Variants in STAT5A observed in about 807,000 individuals in gnomAD.
STAT5A encodes signal transducer and activator of transcription 5A.
Under a neutral mutation model 100.2 loss-of-function variants are expected in STAT5A, and 26 were observed. The observed-to-expected ratio is 0.26, with a 90% CI of 0.19 to 0.36. The LOEUF (loss-of-function observed/expected upper bound fraction) is 0.36. Among genes scored for constraint, STAT5A ranks in the 10% least tolerant of loss-of-function variants. STAT5A has a pLI of 1.00. For missense variants in STAT5A, 634 were observed against 1,027.5 expected (o/e 0.62, Z 5.24); for synonymous variants, 330 against 424.3 (o/e 0.78, Z 2.73).
At chr17:42,306,503 C>T (rs912473077) in intron 13 of STAT5A, 56 bp downstream of exon 13, 221 of 1,564,298 alleles carry the variant, frequency 1.4e-4, no homozygotes, top group East Asian at 8.4e-4. Context: ...TGTTGCTCCT[C>T]CACCTCACAG....
rs2081072348 is a variant in STAT5A at position 42,310,691 on chromosome 17, C to T, written c.*22C>T. On this transcript the variant is annotated 3_prime_UTR_variant, in exon 19 of 19. Transcript: ENST00000590949. Reference sequence around the variant, plus strand: ...ATGAATGTTTGAATCCCACGCTTCTCTTTGGAAACAATATGCAATGTGAAG... The same window carrying T: ...ATGAATGTTTGAATCCCACGCTTCTTTTTGGAAACAATATGCAATGTGAAG... 1 of 1,613,732 alleles carries T rather than the reference C, an allele frequency of 6.2e-7. No individual in the cohort carries two copies. Among genetic ancestry groups the T allele is most frequent in the Non-Finnish European group, 8.5e-7 (1 of 1,179,780 alleles).
chr17:42,298,672 T>C (rs1458390327), intron 5 of STAT5A, among the ~76,000 whole-genome samples: 2 of 151,568 alleles, frequency 1.3e-5, no homozygotes, highest in Non-Finnish European at 2.9e-5. Context: ...GGGGTTTCAC[T>C]GTGTTAGCCA....
chr17:42,296,583 T>G (rs1041432941), intron 5 of STAT5A, among the ~76,000 whole-genome samples: 3 of 152,214 alleles, frequency 2.0e-5, no homozygotes, highest in Non-Finnish European at 1.5e-5. Flanking sequence ...TAATCTGATT[T>G]CTTAAGGTAG....
At chr17:42,293,176 A>G (rs145876663) in intron 4 of STAT5A, among the ~76,000 whole-genome samples, 92 of 152,308 alleles carry the variant, frequency 6.0e-4, no homozygotes, top group Middle Eastern at 3.4e-3. Flanking sequence ...AGCACAGGTC[A>G]TATTTATTAT....
At chr17:42,306,024 T>A (rs542717224) in intron 12 of STAT5A, 141 of 759,680 alleles carry the variant, frequency 1.9e-4, no homozygotes, top group Admixed American at 5.2e-4. Flanking sequence ...TGTCCCTGCA[T>A]GCCCCCACCC....
At position 42,301,462 on chromosome 17, in the gene STAT5A, T is replaced by G; in HGVS notation, c.1169+8T>G. 1 of 1,614,114 alleles carries G rather than the reference T, an allele frequency of 6.2e-7. No individual in the cohort carries two copies. Among genetic ancestry groups the G allele is most frequent in the Non-Finnish European group, 8.5e-7 (1 of 1,179,994 alleles). ...AAATGAGAACACCCGCAAGTAATTGTGCCTCTCCCTTCCCCTGCCCAAGCT... is the reference window on the plus strand; with the variant it reads ...AAATGAGAACACCCGCAAGTAATTGGGCCTCTCCCTTCCCCTGCCCAAGCT... On this transcript the variant is annotated splice_region_variant and intron_variant, in intron 9 of 18. Coordinates refer to ENST00000590949, the MANE Select transcript of STAT5A (RefSeq NM_001288718.2).
chr17:42,299,964 T>C lies in STAT5A; in HGVS notation c.681+83T>C, dbSNP rs2080960113. 2.0e-6 allele frequency: 3 copies of C among 1,472,802 alleles called. No individual in the cohort carries two copies. The East Asian group carries it at 7.4e-5, about 36-fold the overall frequency. 91.2% of individuals were successfully genotyped at this position (1,472,802 alleles called of 1,614,324 possible). ...ACCCGAGGGAGGGCTGGGACCAGCA[T>C]GAGAGCAGAACCTGGGAGGGCAGGA... On this transcript the variant is annotated intron_variant, in intron 6 of 18. Transcript: ENST00000590949.
Position 42,308,807 on chromosome 17 carries a change from G to A in STAT5A, c.2063-240G>A. ...CATTCTTTGACAGGGGTGGGAGCAG[G>A]GAGAGGGAAATCAGATGGCCAGAAA... On this transcript the variant is annotated intron_variant, in intron 16 of 18. Coordinates refer to ENST00000590949, the MANE Select transcript of STAT5A (RefSeq NM_001288718.2). This position sits in a 1 kb window ranked among gnomAD's most constrained non-coding sequence, Gnocchi z 4.6. 1.7e-6 allele frequency: 1 copy of A among 584,682 alleles called. No homozygotes were observed. The highest frequency in any genetic ancestry group is 3.1e-6 in the Non-Finnish European group (1 of 327,780). The allele number at this position is 584,682 out of a possible 1,614,324, so 36.2% of individuals were successfully genotyped here.
At chr17:42,305,314 C>T (rs568109538) in intron 11 of STAT5A, among the ~76,000 whole-genome samples, 12 of 152,086 alleles carry the variant, frequency 7.9e-5, no homozygotes, top group Non-Finnish European at 1.8e-4. Flanking sequence ...ATCAACCTGA[C>T]CAACATGGAG....
At position 42,288,853 on chromosome 17, in the gene STAT5A, G is replaced by C. The variant is rs1431826357; in HGVS notation, c.-11+255G>C. 6.6e-6 allele frequency among the ~76,000 whole-genome samples: 1 copy of C among 152,194 alleles called. No individual in the cohort carries two copies. Among genetic ancestry groups the C allele is most frequent in the Non-Finnish European group, 1.5e-5 (1 of 68,024 alleles). On this transcript the variant is annotated intron_variant, in intron 1 of 18. Coordinates refer to ENST00000590949, the MANE Select transcript of STAT5A (RefSeq NM_001288718.2). The surrounding 1 kb of genome is among the most constrained non-coding windows in gnomAD (Gnocchi z 4.8). ...AGGGAGCACCTGTCGGGCTGGACCC[G>C]GGGAGGCACTAGTGCACAGATGGGG...
At chr17:42,288,091 CG>C (rs1393079943), upstream of STAT5A, 1 of 152,206 alleles carries the variant, frequency 6.6e-6, no homozygotes, top group Non-Finnish European at 1.5e-5. The surrounding 1 kb of genome is among the most constrained non-coding windows in gnomAD (Gnocchi z 4.8). Flanking sequence ...AGCTGGAAGG[CG>C]TCGCCAATTG....
chr17:42,306,515 C>A, intron 13 of STAT5A, 68 bp downstream of exon 13: 1 of 1,556,036 alleles, frequency 6.4e-7, no homozygotes, highest in Non-Finnish European at 8.7e-7. Context: ...ACCTCACAGA[C>A]AGGTTACTGC....
At chr17:42,305,509 A>C in intron 11 of STAT5A, 101 bp from the exon 12 acceptor site, 1 of 1,041,538 alleles carries the variant, frequency 9.6e-7, no homozygotes, top group Non-Finnish European at 1.4e-6. Flanking sequence ...TATCAAAAAA[A>C]AAAATACATA....
intron 17 of STAT5A, 63 bp downstream of exon 17, chr17:42,309,161 C>T: frequency 4.3e-6 from 7 of 1,611,934 alleles, no homozygotes; most frequent in African/African-American, 1.3e-5. Flanking sequence ...GACCCTGCCT[C>T]CCATCCTGAT....
chr17:42,289,751 T>G, intron 2 of STAT5A, 115 bp from the exon 3 acceptor site: 2 of 1,411,578 alleles, frequency 1.4e-6, no homozygotes, highest in East Asian at 5.1e-5. Flanking sequence ...ACAAGTCTTG[T>G]GGGCCCTGGA....
chr17:42,306,267 C>A lies in STAT5A; in HGVS notation c.1500C>A (p.Asp500Glu). 1 of 1,614,020 alleles carries A rather than the reference C, an allele frequency of 6.2e-7. No individual in the cohort carries two copies. Among genetic ancestry groups the A allele is most frequent in the Non-Finnish European group, 8.5e-7 (1 of 1,179,940 alleles). Residue 500 changes from aspartate (D) to glutamate (E), a missense_variant, in exon 13 of 19, where the codon GAC (aspartate) becomes GAA (glutamate). Physicochemically the swap from Asp to Glu is conservative, Grantham distance 45. This residue lies in a region of STAT5A where 210 missense variants were observed against 428.4 expected (regional missense o/e 0.49). Transcript: ENST00000590949. The part of the protein sequence containing the change: ...EPGRVPFAVP[D>E]KVLWPQLCEA... Reference sequence around the variant, plus strand: ...GCAGGGTGCCATTTGCCGTGCCTGACAAAGTGCTGTGGCCGCAGCTGTGTG... The same window carrying A: ...GCAGGGTGCCATTTGCCGTGCCTGAAAAAGTGCTGTGGCCGCAGCTGTGTG...
Position 42,308,876 on chromosome 17 carries a change from C to T in STAT5A, c.2063-171C>T, listed in dbSNP as rs188657931. 241 of 783,870 alleles carry T rather than the reference C, an allele frequency of 3.1e-4. 1 individual carries two copies. The African/African-American group carries it at 3.5e-3, about 12-fold the overall frequency. The allele number at this position is 783,870 out of a possible 1,614,324, so 48.6% of individuals were successfully genotyped here. A position where few individuals can be genotyped will look rare whatever the true frequency, so the allele number is the denominator to read the frequency against. On this transcript the variant is annotated intron_variant, in intron 16 of 18. Transcript: ENST00000590949. The surrounding 1 kb of genome is among the most constrained non-coding windows in gnomAD (Gnocchi z 4.6). The stretch of plus-strand genomic sequence containing the variant: ...GATTCAAGCCAGGGGTCTCAGTGAC[C>T]CTCAGGCAGGATTCATCAGCTGGTG...
intron 4 of STAT5A, among the ~76,000 whole-genome samples, chr17:42,292,623 C>T (rs1382152805): frequency 2.0e-5 from 3 of 150,098 alleles, no homozygotes; most frequent in Non-Finnish European, 3.0e-5. Flanking sequence ...CCACGCTTGG[C>T]GCCTACTGTT....
In STAT5A at chr17:42,310,635, G is replaced by C; in HGVS notation, c.2351G>C (p.Gly784Ala). The C allele has an allele frequency of 6.2e-7, 1 of 1,614,182 alleles. No individual in the cohort carries two copies. Among genetic ancestry groups the C allele is most frequent in the African/African-American group, 1.3e-5 (1 of 75,054 alleles). The change falls in exon 19 of 19, where the codon GGT (glycine) becomes GCT (alanine). Residue 784 changes from glycine to alanine, a missense_variant. Gly to Ala is a moderately conservative substitution (Grantham distance 60). Coordinates refer to ENST00000590949, the MANE Select transcript of STAT5A (RefSeq NM_001288718.2). ...GACTCCCGCCTCTCGCCCCCTGCCG[G>C]TCTTTTCACCTCTGCCAGAGGCTCC... ...SLDSRLSPPA[G>A]LFTSARGSLS
Sources: gnomAD v4.1 joint callset for allele counts (sites outside exome capture counted in the v4.1 genomes callset) on GRCh38, gnomAD v4.1.1 for gene constraint, gnomAD v4.1.1 regional missense constraint, Gnocchi (gnomAD v3.1) non-coding constraint, MANE v1.5 for transcripts, NCBI Gene and HGNC (gene_info 2026-07-23, HGNC 2026-07-21) for gene names.